Variants in ERFL observed in about 807,000 individuals in gnomAD.
The protein encoded by ERFL is ETS repressor factor like.
In ERFL, 8 loss-of-function variants were observed where a neutral mutation model predicts 27.9. The ratio of observed to expected loss-of-function variants is 0.29; its 90% CI spans 0.17 to 0.52. The LOEUF (loss-of-function observed/expected upper bound fraction) is 0.52. ERFL is among the 20% of genes least tolerant of loss of function. ERFL has a pLI of 0.97. For missense variants in ERFL, 294 were observed against 444.4 expected, an observed-to-expected ratio of 0.66 and a Z score of 3.04; for synonymous variants, 174 against 202.8, an observed-to-expected ratio of 0.86 and a Z score of 1.21.
rs547478726 is a variant in ERFL at position 41,922,590 on chromosome 19, C to A, written c.-14+5450G>T. ...ACATGAGGGGCAGAGAACTGGGAAC[C>A]GGAGAGAGACTCCGAGGGACGAGGG... On this transcript the variant is annotated intron_variant, in intron 1 of 5. Coordinates refer to ENST00000597630, the MANE Select transcript of ERFL (RefSeq NM_001365103.2). 1.3e-4 allele frequency among the ~76,000 whole-genome samples: 20 copies of A among 151,600 alleles called. No homozygotes were observed. In the South Asian group the frequency reaches 3.6e-3, roughly 27 times the overall value.
Position 41,913,060 on chromosome 19 carries a change from C to T in ERFL, c.-13-128G>A, listed in dbSNP as rs183716739. On this transcript the variant is annotated intron_variant, in intron 1 of 5. Coordinates refer to ENST00000597630, the MANE Select transcript of ERFL (RefSeq NM_001365103.2). ...CCACCCCAGCCTGACACCCTCTCCCCGCAATCCCTCCTGCCCACTCCCTCC... is the reference window on the plus strand; with the variant it reads ...CCACCCCAGCCTGACACCCTCTCCCTGCAATCCCTCCTGCCCACTCCCTCC... 1,386 of 404,612 alleles carry T rather than the reference C, an allele frequency of 3.4e-3. 17 individuals carry two copies. Among genetic ancestry groups the T allele is most frequent in the African/African-American group, 0.026 (1,287 of 48,674 alleles). 25.1% of individuals were successfully genotyped at this position (404,612 alleles called of 1,614,324 possible).
Position 41,917,548 on chromosome 19 carries a change from A to G in ERFL, c.-13-4616T>C, listed in dbSNP as rs1338339877. Among the ~76,000 whole-genome samples, 2 of 145,532 alleles carry G rather than the reference A, an allele frequency of 1.4e-5. No individual in the cohort carries two copies. Among genetic ancestry groups the G allele is most frequent in the Non-Finnish European group, 3.0e-5 (2 of 67,196 alleles). ...AAAATTGATTTTTTTTTTAAATTTC[A>G]TATCTTCTCCGGGGCTCTGTCTAAA... On this transcript the variant is annotated intron_variant, in intron 1 of 5. Coordinates refer to ENST00000597630, the MANE Select transcript of ERFL (RefSeq NM_001365103.2). This position sits in a 1 kb window ranked among gnomAD's most constrained non-coding sequence, Gnocchi z 4.8.
At chr19:41,926,731 G>A (rs1341609740) in intron 1 of ERFL, among the ~76,000 whole-genome samples, 2 of 152,170 alleles carry the variant, frequency 1.3e-5, no homozygotes, top group African/African-American at 2.4e-5. Context: ...GAGCGGGCGG[G>A]GGGGCCGTTT....
intron 1 of ERFL, among the ~76,000 whole-genome samples, 199 bp downstream of exon 1, chr19:41,927,841 C>T (rs564740208): frequency 6.6e-6 from 1 of 152,172 alleles, no homozygotes; most frequent in African/African-American, 2.4e-5. Flanking sequence ...TAGCGCTACC[C>T]GCCTCCCACC....
chr19:41,923,551 T>G, intron 1 of ERFL, among the ~76,000 whole-genome samples: 2 of 141,260 alleles, frequency 1.4e-5, no homozygotes, highest in Non-Finnish European at 1.5e-5. Flanking sequence ...CAGGCAGACA[T>G]GGACAGGGAC....
At chr19:41,924,620 G>A (rs1555853063) in intron 1 of ERFL, among the ~76,000 whole-genome samples, 1 of 152,150 alleles carries the variant, frequency 6.6e-6, no homozygotes, top group African/African-American at 2.4e-5. Context: ...CTGCTACTCA[G>A]AGAATGATAC....
In ERFL at chr19:41,910,238, A is replaced by T; in HGVS notation, c.68-141T>A. 2 of 819,088 alleles carry T rather than the reference A, an allele frequency of 2.4e-6. No individual in the cohort carries two copies. The highest frequency in any genetic ancestry group is 3.8e-6 in the Non-Finnish European group (2 of 527,594). The allele number at this position is 819,088 out of a possible 1,614,324, so 50.7% of individuals were successfully genotyped here. A position where few individuals can be genotyped will look rare whatever the true frequency, so the allele number is the denominator to read the frequency against. ...TTAGGGACCTGGTTTCCACACTCCA[A>T]ACCTCCTCCCTTTGTGTCTGGTCCC... On this transcript the variant is annotated intron_variant, in intron 2 of 5. Transcript: ENST00000597630. The surrounding 1 kb of genome is among the most constrained non-coding windows in gnomAD (Gnocchi z 4.4).
Position 41,916,710 on chromosome 19 carries a change from C to T in ERFL, c.-13-3778G>A, listed in dbSNP as rs782687102. Reference sequence around the variant, plus strand: ...GAGCGCATACATATGCACTTGGTCACGCATGGAGCCGTAGAGATACACACA... The same window carrying T: ...GAGCGCATACATATGCACTTGGTCATGCATGGAGCCGTAGAGATACACACA... On this transcript the variant is annotated intron_variant, in intron 1 of 5. Transcript: ENST00000597630. The surrounding 1 kb of genome is among the most constrained non-coding windows in gnomAD (Gnocchi z 5.4). Among the ~76,000 whole-genome samples, 2 of 151,976 alleles carry T rather than the reference C, an allele frequency of 1.3e-5. No individual in the cohort carries two copies. Among genetic ancestry groups the T allele is most frequent in the Non-Finnish European group, 2.9e-5 (2 of 67,996 alleles).
chr19:41,913,271 G>A (rs1450237327), intron 1 of ERFL, among the ~76,000 whole-genome samples: 1 of 52,000 alleles, frequency 1.9e-5, no homozygotes, highest in Non-Finnish European at 4.4e-5. Flanking sequence ...ACGCCCGCCC[G>A]CCCGCCCGCC....
chr19:41,926,460 T>A (rs2074870906), intron 1 of ERFL, among the ~76,000 whole-genome samples: 2 of 152,234 alleles, frequency 1.3e-5, no homozygotes, highest in South Asian at 4.1e-4. Flanking sequence ...GAAAGGTTAG[T>A]TACCTGAGGC....
intron 1 of ERFL, among the ~76,000 whole-genome samples, chr19:41,914,019 C>G (rs2074770832): frequency 6.6e-6 from 1 of 151,362 alleles, no homozygotes. Flanking sequence ...CATGCGCCCC[C>G]CAGCCAGAAA....
intron 1 of ERFL, among the ~76,000 whole-genome samples, chr19:41,915,277 C>G (rs1420969417): frequency 1.3e-5 from 2 of 151,482 alleles, no homozygotes; most frequent in Admixed American, 6.6e-5. Context: ...CACGCTCCCC[C>G]CGCCGTGTCT....
rs2074725518 is a variant in ERFL at position 41,907,841 on chromosome 19, G to GCCTATA, written c.*386_*387insTATAGG. On this transcript the variant is annotated 3_prime_UTR_variant, in exon 6 of 6. Transcript: ENST00000597630. ...TATTGCTCTGAGCTCCCTGTCCCCAGGGGGGCCTATATGGGGGGGGTGTCA... is the reference window on the plus strand; with the variant it reads ...TATTGCTCTGAGCTCCCTGTCCCCAGCCTATAGGGGGCCTATATGGGGGGGGTGTCA... 5.4e-6 allele frequency: 1 copy of GCCTATA among 183,950 alleles called. No individual in the cohort carries two copies. The highest frequency in any genetic ancestry group is 9.8e-6 in the Non-Finnish European group (1 of 102,276). The allele number at this position is 183,950 out of a possible 1,614,324, so 11.4% of individuals were successfully genotyped here. A position where few individuals can be genotyped will look rare whatever the true frequency, so the allele number is the denominator to read the frequency against.
rs1205556653 is a variant in ERFL, at chr19:41,917,851, T to G, written c.-13-4919A>C. Reference sequence around the variant, plus strand: ...GGGACGGCTGCCAGCCCCACCCATCTGTTGCCACACAAACGAGCCCCCAAC... The same window carrying G: ...GGGACGGCTGCCAGCCCCACCCATCGGTTGCCACACAAACGAGCCCCCAAC... On this transcript the variant is annotated intron_variant, in intron 1 of 5. Transcript: ENST00000597630. The surrounding 1 kb of genome is among the most constrained non-coding windows in gnomAD (Gnocchi z 4.8). 6.6e-6 allele frequency among the ~76,000 whole-genome samples: 1 copy of G among 151,898 alleles called. No individual in the cohort carries two copies. Among genetic ancestry groups the G allele is most frequent in the Non-Finnish European group, 1.5e-5 (1 of 67,962 alleles).
chr19:41,918,696 CCGCCACA>C (rs1378657509), intron 1 of ERFL, among the ~76,000 whole-genome samples: 4 of 147,942 alleles, frequency 2.7e-5, no homozygotes, highest in Non-Finnish European at 4.5e-5. Context: ...CACCACATAT[CCGCCACA>C]CACCACACAC....
chr19:41,915,715 C>G (rs1018362278), intron 1 of ERFL, among the ~76,000 whole-genome samples: 25 of 152,174 alleles, frequency 1.6e-4, no homozygotes, highest in Non-Finnish European at 4.4e-5. Context: ...GTCTCTGTCT[C>G]TGTTTCTGTC....
Position 41,908,216 on chromosome 19 carries a change from C to T in ERFL, c.*12G>A, listed in dbSNP as rs2074729262. On this transcript the variant is annotated 3_prime_UTR_variant, in exon 6 of 6. Transcript: ENST00000597630. The surrounding 1 kb of genome is among the most constrained non-coding windows in gnomAD (Gnocchi z 6.7). ...GTCCCTGCCTCAGCAGAATCCATTG[C>T]CCCCTGCCGGCTCAGCTGCCGGTCC... is the stretch of plus-strand genomic sequence containing the variant. 2 of 1,231,562 alleles carry T rather than the reference C, an allele frequency of 1.6e-6. No individual in the cohort carries two copies. Among genetic ancestry groups the T allele is most frequent in the Admixed American group, 4.2e-5 (1 of 23,704 alleles). 76.3% of individuals were successfully genotyped at this position (1,231,562 alleles called of 1,614,324 possible).
Position 41,908,162 on chromosome 19 carries a change from G to T in ERFL, c.*66C>A. ...GGGCTGGTCCTGGGCCTTGGGCCAGGCATCAAGGGCAGACGGGCAGCCACC... is the reference window on the plus strand; with the variant it reads ...GGGCTGGTCCTGGGCCTTGGGCCAGTCATCAAGGGCAGACGGGCAGCCACC... On this transcript the variant is annotated 3_prime_UTR_variant, in exon 6 of 6. Coordinates refer to ENST00000597630, the MANE Select transcript of ERFL (RefSeq NM_001365103.2). The surrounding 1 kb of genome is among the most constrained non-coding windows in gnomAD (Gnocchi z 6.7). The T allele has an allele frequency of 8.4e-7, 1 of 1,187,626 alleles. No individual in the cohort carries two copies. Among genetic ancestry groups the T allele is most frequent in the Non-Finnish European group, 1.1e-6 (1 of 947,604 alleles). The allele number at this position is 1,187,626 out of a possible 1,614,324, so 73.6% of individuals were successfully genotyped here.
At position 41,910,072 on chromosome 19, in the gene ERFL, G is replaced by C; in HGVS notation, c.93C>G (p.Tyr31Ter). The change falls in exon 3 of 6, where the codon TAC becomes TAG. Residue 31 changes from tyrosine (Y) to a stop codon, truncating the protein, a stop_gained. Coordinates refer to ENST00000597630, the MANE Select transcript of ERFL (RefSeq NM_001365103.2). LOFTEE classifies it high-confidence loss of function. This position sits in a 1 kb window ranked among gnomAD's most constrained non-coding sequence, Gnocchi z 4.4. ...TPGFAFPDWA[Y>*]KPESSPGSRQ... ...TCGAGCCAGGGGATGACTCTGGCTT[G>C]TAGGCCCAATCCGGGAAGGCAAACC... is the stretch of plus-strand genomic sequence containing the variant. 1 of 1,613,226 alleles carries C rather than the reference G, an allele frequency of 6.2e-7. No homozygotes were observed. The highest frequency in any genetic ancestry group is 8.5e-7 in the Non-Finnish European group (1 of 1,179,848).
Sources: allele counts gnomAD v4.1 joint callset (sites outside exome capture counted in the v4.1 genomes callset), GRCh38; gene constraint gnomAD v4.1.1; non-coding constraint Gnocchi (gnomAD v3.1); transcripts MANE v1.5; gene names NCBI Gene and HGNC (gene_info 2026-07-23, HGNC 2026-07-21).